Variants in CXCL13 observed in about 807,000 individuals in gnomAD.
The protein encoded by CXCL13 is C-X-C motif chemokine 13.
A neutral mutation model predicts 12.2 loss-of-function variants in CXCL13; 7 were observed. That is an observed-to-expected ratio of 0.57 (90% CI 0.33 to 1.07). The LOEUF is 1.07. Ranked by LOEUF, CXCL13 falls within the 50% of genes least tolerant of loss-of-function variation. The pLI, the probability that CXCL13 is intolerant of heterozygous loss-of-function variation, is 0.04. For synonymous variants in CXCL13, 47 were observed against 42.4 expected, an observed-to-expected ratio of 1.11 and a Z score of -0.42; for missense variants, 113 against 127.4, an observed-to-expected ratio of 0.89 and a Z score of 0.55.
At chr4:77,596,736 G>C (rs2109833602) in intron 1 of CXCL13, among the ~76,000 whole-genome samples, 1 of 146,034 alleles carries the variant, frequency 6.8e-6, no homozygotes, top group Non-Finnish European at 1.5e-5. Flanking sequence ...AGTGAGCTGA[G>C]ACCGCGCCAT....
chr4:77,534,314 T>C (rs1462441197), intron 1 of CXCL13, among the ~76,000 whole-genome samples: 4 of 152,214 alleles, frequency 2.6e-5, no homozygotes, highest in African/African-American at 9.6e-5. Context: ...AATAGCTTCA[T>C]TTGTAACAGT....
chr4:77,551,886 G>A (rs886607221), intron 1 of CXCL13, among the ~76,000 whole-genome samples: 2 of 152,062 alleles, frequency 1.3e-5, no homozygotes, highest in South Asian at 4.1e-4. Context: ...TATTGCTAAA[G>A]CTTTCCATTG....
chr4:77,581,300 G>A (rs910121647), intron 1 of CXCL13, among the ~76,000 whole-genome samples: 4 of 152,210 alleles, frequency 2.6e-5, no homozygotes, highest in Non-Finnish European at 4.4e-5. Flanking sequence ...ATGATCTAGA[G>A]AAATATGTGC....
chr4:77,582,646 G>A (rs1315976622), intron 1 of CXCL13, among the ~76,000 whole-genome samples: 1 of 152,172 alleles, frequency 6.6e-6, no homozygotes, highest in Non-Finnish European at 1.5e-5. Context: ...GCAGGTCATG[G>A]TAAGAGGTTT....
intron 1 of CXCL13, among the ~76,000 whole-genome samples, chr4:77,560,204 C>T (rs1725773339): frequency 6.6e-6 from 1 of 152,102 alleles, no homozygotes; most frequent in African/African-American, 2.4e-5. Flanking sequence ...CACTTCAATT[C>T]TATTTTGTAA....
chr4:77,512,082 T>G (rs1168492422), intron 1 of CXCL13, among the ~76,000 whole-genome samples: 1 of 152,182 alleles, frequency 6.6e-6, no homozygotes, highest in Admixed American at 6.6e-5. Context: ...CAGAACATTT[T>G]TCTTTGATCG....
chr4:77,607,754 G>T lies in CXCL13; in HGVS notation c.116G>T (p.Ser39Ile), dbSNP rs751033781. ...TSLRCRCVQE[S>I]SVFIPRRFID... ...TTGAGGTGTAGATGTGTCCAAGAGA[G>T]CTCAGTCTTTATCCCTAGACGCTTC... is the stretch of plus-strand genomic sequence containing the variant. Residue 39 changes from serine to isoleucine, a missense_variant, in exon 2 of 4, where the codon AGC becomes ATC. By Grantham distance (142) the Ser-to-Ile change is moderately radical. Coordinates refer to ENST00000682537, the MANE Select transcript of CXCL13 (RefSeq NM_001371558.1). 7 of 1,613,480 alleles carry T rather than the reference G, an allele frequency of 4.3e-6. No homozygotes were observed. The highest frequency in any genetic ancestry group is 5.1e-6 in the Non-Finnish European group (6 of 1,179,828).
intron 1 of CXCL13, among the ~76,000 whole-genome samples, chr4:77,583,396 T>C (rs1726383340): frequency 6.6e-6 from 1 of 152,184 alleles, no homozygotes; most frequent in Admixed American, 6.5e-5. Flanking sequence ...GCCACTCTCA[T>C]GTTTTGAAAG....
chr4:77,519,035 G>T (rs1055096271), intron 1 of CXCL13, among the ~76,000 whole-genome samples: 13 of 152,340 alleles, frequency 8.5e-5, no homozygotes, highest in Middle Eastern at 3.4e-3. Context: ...CTGCAAGTCT[G>T]TTGGAGTTTG....
intron 1 of CXCL13, among the ~76,000 whole-genome samples, chr4:77,561,497 C>T (rs1227794437): frequency 6.6e-6 from 1 of 152,218 alleles, no homozygotes; most frequent in Admixed American, 6.5e-5. Flanking sequence ...AGATGAAAAA[C>T]CTGATACTTA....
At chr4:77,536,446 G>T (rs961756178) in intron 1 of CXCL13, among the ~76,000 whole-genome samples, 1 of 152,138 alleles carries the variant, frequency 6.6e-6, no homozygotes, top group African/African-American at 2.4e-5. Context: ...GAGCCAGTCT[G>T]CCTGGGTTCA....
At chr4:77,552,604 G>A (rs2109807791) in intron 1 of CXCL13, among the ~76,000 whole-genome samples, 1 of 152,340 alleles carries the variant, frequency 6.6e-6, no homozygotes, top group African/African-American at 2.4e-5. Flanking sequence ...TGTGGGGCTG[G>A]ACCAGGCAGG....
At chr4:77,604,589 A>T (rs767880587), upstream of CXCL13, among the ~76,000 whole-genome samples, 1 of 152,056 alleles carries the variant, frequency 6.6e-6, no homozygotes, top group African/African-American at 2.4e-5. Context: ...TCACATATAC[A>T]TAAGGAAGAA....
At chr4:77,601,688 G>A (rs530903981), upstream of CXCL13, among the ~76,000 whole-genome samples, 7 of 152,312 alleles carry the variant, frequency 4.6e-5, no homozygotes, top group African/African-American at 1.4e-4. Context: ...TGTACTTCAC[G>A]TTTTTGTGTT....
At chr4:77,569,466 C>T (rs1726012863) in intron 1 of CXCL13, among the ~76,000 whole-genome samples, 1 of 152,120 alleles carries the variant, frequency 6.6e-6, no homozygotes, top group African/African-American at 2.4e-5. Context: ...TCCTATACTC[C>T]AACAACTGTC....
At chr4:77,596,440 A>G (rs561391711) in intron 1 of CXCL13, among the ~76,000 whole-genome samples, 2 of 152,318 alleles carry the variant, frequency 1.3e-5, no homozygotes, top group African/African-American at 4.8e-5. Context: ...AAATAGAACT[A>G]TCATACGCTC....
chr4:77,529,084 G>C (rs1724842551), intron 1 of CXCL13, among the ~76,000 whole-genome samples: 1 of 152,152 alleles, frequency 6.6e-6, no homozygotes. Flanking sequence ...AGATCAGATG[G>C]TTGTAGATAT....
intron 1 of CXCL13, among the ~76,000 whole-genome samples, chr4:77,534,854 A>G (rs1395386186): frequency 6.6e-6 from 1 of 152,194 alleles, no homozygotes; most frequent in African/African-American, 2.4e-5. Flanking sequence ...ACTGAGCTAT[A>G]CACATTTGTG....
intron 1 of CXCL13, among the ~76,000 whole-genome samples, chr4:77,529,429 T>C (rs1417423694): frequency 6.6e-6 from 1 of 152,222 alleles, no homozygotes; most frequent in Non-Finnish European, 1.5e-5. Context: ...TATTCTTCCA[T>C]TTGTTTGTAT....
Sources: allele counts gnomAD v4.1 joint callset (sites outside exome capture counted in the v4.1 genomes callset), GRCh38; gene constraint gnomAD v4.1.1; transcripts MANE v1.5; gene names NCBI Gene and HGNC (gene_info 2026-07-23, HGNC 2026-07-21).